The following VPS8 variants were observed in gnomAD, a reference collection of about 807,000 sequenced individuals.
The protein encoded by VPS8 is VPS8 subunit of CORVET complex.
VPS8 carries 129 observed loss-of-function variants against 216.4 expected under a neutral mutation model. That is an observed-to-expected ratio of 0.60 (90% confidence interval 0.52 to 0.69). VPS8 has a LOEUF of 0.69. Ranked by LOEUF, VPS8 falls within the 30% of genes least tolerant of loss-of-function variation. The probability of loss-of-function intolerance (pLI) is 0.00; values close to 1 mark genes in which losing one functional copy is unlikely to be tolerated. For synonymous variants in VPS8, 571 were observed against 565.4 expected, an observed-to-expected ratio of 1.01 and a Z score of -0.14; for missense variants, 1,531 against 1,683.5, an observed-to-expected ratio of 0.91 and a Z score of 1.59.
intron 22 of VPS8, 136 bp downstream of exon 22, chr3:184,886,292 C>A: frequency 1.2e-6 from 1 of 825,404 alleles, no homozygotes; most frequent in Non-Finnish European, 1.9e-6. Flanking sequence ...GATTCTTTAA[C>A]AGTTTTCAGT....
At chr3:184,951,224 A>G (rs1489081017) in intron 36 of VPS8, among the ~76,000 whole-genome samples, 2 of 152,150 alleles carry the variant, frequency 1.3e-5, no homozygotes, top group African/African-American at 4.8e-5. Context: ...GGTGACTCAC[A>G]CCTGTAATCC....
At chr3:184,866,112 A>C (rs1270587428) in intron 16 of VPS8, among the ~76,000 whole-genome samples, 1 of 152,264 alleles carries the variant, frequency 6.6e-6, no homozygotes, top group East Asian at 1.9e-4. Flanking sequence ...CACACATAGC[A>C]GTATTATTGT....
At chr3:184,871,228 G>T (rs1560468874) in intron 21 of VPS8, among the ~76,000 whole-genome samples, 1 of 151,240 alleles carries the variant, frequency 6.6e-6, no homozygotes, top group East Asian at 1.9e-4. Flanking sequence ...TATAAAATAT[G>T]ATCTATAAAA....
chr3:185,031,623 A>C (rs1234661805), intron 46 of VPS8, among the ~76,000 whole-genome samples: 1 of 152,172 alleles, frequency 6.6e-6, no homozygotes, highest in Non-Finnish European at 1.5e-5. Context: ...AGGCATCCTT[A>C]ATTGTTGAGA....
chr3:184,893,223 T>TC lies in VPS8; in HGVS notation c.1782-1476dup, dbSNP rs1473634382. 4.7e-6 allele frequency: 6 copies of TC among 1,268,618 alleles called. No individual in the cohort carries two copies. The African/African-American group carries it at 9.2e-5, about 20-fold the overall frequency. The allele number at this position is 1,268,618 out of a possible 1,614,324, so 78.6% of individuals were successfully genotyped here. Reference sequence around the variant, plus strand: ...TTGTAGCCAGTCTGTTTTCCATCTGTCCCCTTCCAGGACTTCAGATGAGTC... The same window carrying TC: ...TTGTAGCCAGTCTGTTTTCCATCTGTCCCCCTTCCAGGACTTCAGATGAGTC... On this transcript the variant is annotated intron_variant, in intron 22 of 47. Transcript: ENST00000625842.
intron 1 of VPS8, among the ~76,000 whole-genome samples, chr3:184,822,181 T>C (rs1463445565): frequency 6.6e-6 from 1 of 152,080 alleles, no homozygotes; most frequent in Non-Finnish European, 1.5e-5. Context: ...TGGGGAGAAG[T>C]GATTATTTCC....
At chr3:184,989,266 A>G (rs1269237658) in intron 42 of VPS8, among the ~76,000 whole-genome samples, 1 of 152,214 alleles carries the variant, frequency 6.6e-6, no homozygotes, top group Non-Finnish European at 1.5e-5. Context: ...CTGTTTATCA[A>G]GTTTAGGAAG....
chr3:184,896,727 T>G (rs1331793580), intron 23 of VPS8, among the ~76,000 whole-genome samples: 1 of 152,216 alleles, frequency 6.6e-6, no homozygotes, highest in Admixed American at 6.5e-5. Context: ...TGTCCTCTCA[T>G]AAAGCCTAAA....
At chr3:184,919,684 T>C (rs1738269918) in intron 28 of VPS8, among the ~76,000 whole-genome samples, 1 of 152,210 alleles carries the variant, frequency 6.6e-6, no homozygotes, top group Non-Finnish European at 1.5e-5. Flanking sequence ...ATCATTTTTC[T>C]TAATTGTCAT....
At chr3:184,996,282 T>G (rs532461155) in intron 43 of VPS8, 50 bp from the exon 44 acceptor site, 1 of 1,529,484 alleles carries the variant, frequency 6.5e-7, no homozygotes, top group Non-Finnish European at 8.8e-7. Context: ...CTCTATCTCT[T>G]TCATCTTATA....
At chr3:184,985,072 C>T (rs935802659) in intron 42 of VPS8, among the ~76,000 whole-genome samples, 4 of 152,016 alleles carry the variant, frequency 2.6e-5, no homozygotes, top group African/African-American at 9.7e-5. Context: ...TCTTAAATTC[C>T]TCATTTGCAT....
Position 184,870,716 on chromosome 3 carries a change from A to G in VPS8, c.1645A>G (p.Met549Val). ...SKRKAIVADRMVEILFHYADR... is the reference protein window; with the variant it reads ...SKRKAIVADRVVEILFHYADR... ...CTATGCCAGGCTGTTTTCCTTACAG[A>G]TGGTAGAAATCCTATTCCATTATGC... The change falls in exon 21 of 48, where the codon ATG (methionine) becomes GTG (valine). Residue 549 changes from methionine to valine, a missense_variant and splice_region_variant. By Grantham distance (21) the Met-to-Val change is conservative. Coordinates refer to ENST00000625842, the MANE Select transcript of VPS8 (RefSeq NM_001009921.3). The G allele has an allele frequency of 6.2e-7, 1 of 1,610,070 alleles. No homozygotes were observed. The highest frequency in any genetic ancestry group is 8.5e-7 in the Non-Finnish European group (1 of 1,177,952).
At chr3:184,927,520 C>T (rs970541096) in intron 31 of VPS8, among the ~76,000 whole-genome samples, 1 of 152,088 alleles carries the variant, frequency 6.6e-6, no homozygotes, top group Non-Finnish European at 1.5e-5. Flanking sequence ...ATTTCAGCTG[C>T]TTAGTGTTGT....
intron 40 of VPS8, among the ~76,000 whole-genome samples, chr3:184,978,755 T>C (rs1749724905): frequency 6.6e-6 from 1 of 152,166 alleles, no homozygotes; most frequent in Admixed American, 6.5e-5. Flanking sequence ...CAAAGAATTA[T>C]CTTTTGGTTT....
At chr3:184,962,765 GTC>G (rs1553886695) in intron 37 of VPS8, among the ~76,000 whole-genome samples, 4 of 124,476 alleles carry the variant, frequency 3.2e-5, no homozygotes, top group African/African-American at 1.2e-4. Flanking sequence ...GTGTGTGTGT[GTC>G]TTATTTCCTT....
chr3:184,908,197 A>C (rs180999117), intron 25 of VPS8, among the ~76,000 whole-genome samples: 61 of 152,348 alleles, frequency 4.0e-4, no homozygotes, highest in Admixed American at 3.1e-3. Context: ...TAAGCCCTGA[A>C]AATGGAGCTT....
At chr3:184,861,289 T>C (rs562678714) in intron 15 of VPS8, among the ~76,000 whole-genome samples, 1 of 152,328 alleles carries the variant, frequency 6.6e-6, no homozygotes, top group African/African-American at 2.4e-5. Context: ...TGTAGATGCA[T>C]GAATATAGGC....
At chr3:184,991,548 T>C (rs1325752788) in intron 42 of VPS8, among the ~76,000 whole-genome samples, 1 of 152,180 alleles carries the variant, frequency 6.6e-6, no homozygotes, top group Non-Finnish European at 1.5e-5. Flanking sequence ...TTTCCCAGAA[T>C]TTAACCTTTT....
Position 184,912,724 on chromosome 3 carries a change from A to C in VPS8, c.2147-795A>C, listed in dbSNP as rs112582657. On this transcript the variant is annotated intron_variant, in intron 25 of 47. Transcript: ENST00000625842. ...TACATTTGGAGCAATTCATGTTTACATGCACTAACAACATCACAGATTTTG... is the reference window on the plus strand; with the variant it reads ...TACATTTGGAGCAATTCATGTTTACCTGCACTAACAACATCACAGATTTTG... Among the ~76,000 whole-genome samples the C allele has an allele frequency of 2.5e-3, 388 of 152,330 alleles. 1 individual carries two copies. Among genetic ancestry groups the C allele is most frequent in the Middle Eastern group, 0.01 (3 of 294 alleles).
Sources: gnomAD v4.1 joint callset for allele counts (sites outside exome capture counted in the v4.1 genomes callset) on GRCh38, gnomAD v4.1.1 for gene constraint, MANE v1.5 for transcripts, NCBI Gene and HGNC (gene_info 2026-07-23, HGNC 2026-07-21) for gene names.